The following TTLL9 variants were observed in gnomAD, a reference collection of about 807,000 sequenced individuals.
TTLL9 encodes probable tubulin polyglutamylase TTLL9.
In TTLL9, 47 loss-of-function variants were observed where a neutral mutation model predicts 65.6. The observed-to-expected ratio is 0.72, with a 90% CI of 0.57 to 0.91. TTLL9 has a LOEUF of 0.91. Ranked by LOEUF, TTLL9 falls within the 40% of genes least tolerant of loss-of-function variation. The pLI is 0.00. For synonymous variants in TTLL9, 179 were observed against 204.8 expected, an observed-to-expected ratio of 0.87 and a Z score of 1.07; for missense variants, 537 against 568.8, an observed-to-expected ratio of 0.94 and a Z score of 0.57.
chr20:31,875,710 T>G lies in TTLL9; in HGVS notation c.69+4515T>G, dbSNP rs141354723. 1.6e-4 allele frequency among the ~76,000 whole-genome samples: 24 copies of G among 152,344 alleles called. No individual in the cohort carries two copies. In the East Asian group the frequency reaches 4.6e-3, roughly 29 times the overall value. The stretch of plus-strand genomic sequence containing the variant: ...ATTATTGTTATGGCCTGTGTGTTTT[T>G]CATTGGGGAAAAAAATCTTAAATCC... On this transcript the variant is annotated intron_variant, in intron 2 of 14. Transcript: ENST00000535842.
intron 2 of TTLL9, among the ~76,000 whole-genome samples, chr20:31,875,081 T>C (rs1224978898): frequency 2.0e-5 from 3 of 152,170 alleles, no homozygotes; most frequent in Admixed American, 2.0e-4. Flanking sequence ...CAACAGGAAA[T>C]TCATACACTC....
Position 31,898,563 on chromosome 20 carries a change from G to A in TTLL9, c.204G>A (p.Lys68=), listed in dbSNP as rs754832907. ...LRHRPGWVEV[K]DEGEWDFYWC... ...ACAGGCCAGGATGGGTGGAAGTGAAGGAGTAAGACCCTCCCCCCAGCCTTG... is the reference window on the plus strand; with the variant it reads ...ACAGGCCAGGATGGGTGGAAGTGAAAGAGTAAGACCCTCCCCCCAGCCTTG... Residue 68 remains lysine (K), a splice_region_variant and synonymous_variant, in exon 4 of 15, where the codon AAG becomes AAA. Transcript: ENST00000535842. The A allele has an allele frequency of 3.2e-5, 52 of 1,613,820 alleles. No individual in the cohort carries two copies. The highest frequency in any genetic ancestry group is 4.2e-5 in the Non-Finnish European group (49 of 1,179,854).
intron 2 of TTLL9, chr20:31,884,154 C>G: frequency 2.3e-6 from 1 of 433,288 alleles, no homozygotes; most frequent in Non-Finnish European, 4.2e-6. Context: ...TTTCCAATGT[C>G]TGCTTTAACA....
At chr20:31,933,559 AC>A (rs1348527599) in intron 10 of TTLL9, among the ~76,000 whole-genome samples, 3 of 152,096 alleles carry the variant, frequency 2.0e-5, no homozygotes, top group African/African-American at 4.8e-5. Context: ...ACTGCTATGT[AC>A]CCCCATTAAA....
chr20:31,936,226 C>T (rs975310698), intron 12 of TTLL9, among the ~76,000 whole-genome samples: 5 of 152,238 alleles, frequency 3.3e-5, no homozygotes, highest in Admixed American at 6.5e-5. Flanking sequence ...GCAGATACTT[C>T]GAATTTGGCC....
chr20:31,870,850 C>G lies in TTLL9; in HGVS notation c.-105C>G. 1.8e-6 allele frequency: 1 copy of G among 546,180 alleles called. No homozygotes were observed. Among genetic ancestry groups the G allele is most frequent in the Non-Finnish European group, 3.2e-6 (1 of 311,134 alleles). The allele number at this position is 546,180 out of a possible 1,614,324, so 33.8% of individuals were successfully genotyped here. Reference sequence around the variant, plus strand: ...TCCCTGCGGGCCCCGGGGGAAAGCACCCAACTTCTCCCGCCTCGGCTTCTA... The same window carrying G: ...TCCCTGCGGGCCCCGGGGGAAAGCAGCCAACTTCTCCCGCCTCGGCTTCTA... On this transcript the variant is annotated 5_prime_UTR_variant, in exon 1 of 15. Transcript: ENST00000535842. This position sits in a 1 kb window ranked among gnomAD's most constrained non-coding sequence, Gnocchi z 6.6.
intron 3 of TTLL9, among the ~76,000 whole-genome samples, chr20:31,890,100 C>CCCTTCCTT (rs1286424316): frequency 0.015 from 768 of 49,858 alleles, 31 homozygotes; most frequent in Middle Eastern, 0.049. Flanking sequence ...TTCTTTCCCT[C>CCCTTCCTT]CCTTCCTTCC....
At chr20:31,907,432 C>T (rs2063572934) in intron 4 of TTLL9, among the ~76,000 whole-genome samples, 1 of 152,054 alleles carries the variant, frequency 6.6e-6, no homozygotes, top group African/African-American at 2.4e-5. Flanking sequence ...AACTATAAAG[C>T]CACTGCAGGC....
chr20:31,880,872 T>G (rs1158444940), intron 2 of TTLL9, among the ~76,000 whole-genome samples: 1 of 149,152 alleles, frequency 6.7e-6, no homozygotes, highest in Non-Finnish European at 1.5e-5. Flanking sequence ...TTTTTTTTTT[T>G]GAGACAAGGT....
chr20:31,898,505 C>A lies in TTLL9; in HGVS notation c.146C>A (p.Thr49Asn), dbSNP rs199628776. The A allele has an allele frequency of 3.1e-6, 5 of 1,614,090 alleles. No homozygotes were observed. The Middle Eastern group carries it at 4.9e-4, about 159-fold the overall frequency. ...EQRASIRFKT[T>N]LMNTLMDVLR... Reference sequence around the variant, plus strand: ...AGAGCATCGATCCGGTTCAAGACCACCCTCATGAACACACTCATGGACGTC... The same window carrying A: ...AGAGCATCGATCCGGTTCAAGACCAACCTCATGAACACACTCATGGACGTC... The change falls in exon 4 of 15, where the codon ACC becomes AAC. Residue 49 changes from threonine to asparagine, a missense_variant. Thr to Asn is a moderately conservative substitution (Grantham distance 65). This residue lies in a region of TTLL9 where 320 missense variants were observed against 311.0 expected (regional missense o/e 1.03). Coordinates refer to ENST00000535842, the MANE Select transcript of TTLL9 (RefSeq NM_001008409.5).
Position 31,943,281 on chromosome 20 carries a change from G to A in TTLL9, c.*260G>A, listed in dbSNP as rs1250727418. On this transcript the variant is annotated 3_prime_UTR_variant, in exon 15 of 15. Transcript: ENST00000535842. ...TTAACCTTGACAAACTGACTTGGCA[G>A]TTAGGCCCAAAGAGAACAAATACAG... 1 of 547,332 alleles carries A rather than the reference G, an allele frequency of 1.8e-6. No homozygotes were observed. The highest frequency in any genetic ancestry group is 3.1e-5 in the Admixed American group (1 of 31,990). The allele number at this position is 547,332 out of a possible 1,614,324, so 33.9% of individuals were successfully genotyped here.
chr20:31,871,748 G>T (rs935676395), intron 2 of TTLL9, among the ~76,000 whole-genome samples: 4 of 152,146 alleles, frequency 2.6e-5, no homozygotes, highest in African/African-American at 9.7e-5. Context: ...ATATGATAGA[G>T]ACTAGGGACA....
chr20:31,913,756 C>G lies in TTLL9; in HGVS notation c.504+3834C>G, dbSNP rs538671571. On this transcript the variant is annotated intron_variant, in intron 6 of 14. Coordinates refer to ENST00000535842, the MANE Select transcript of TTLL9 (RefSeq NM_001008409.5). ...TTTTAGGGGAATATAAGAACAGGCT[C>G]TTGGGTCTGGCATTTAAAAGTCCAG... Among the ~76,000 whole-genome samples, 152 of 152,188 alleles carry G rather than the reference C, an allele frequency of 1.0e-3. 1 individual carries two copies. Among genetic ancestry groups the G allele is most frequent in the Non-Finnish European group, 1.8e-3 (120 of 68,032 alleles).
At chr20:31,933,619 C>T (rs1173778959) in intron 10 of TTLL9, among the ~76,000 whole-genome samples, 181 bp from the exon 11 acceptor site, 1 of 152,154 alleles carries the variant, frequency 6.6e-6, no homozygotes, top group Non-Finnish European at 1.5e-5. Context: ...CAGGAGCCCA[C>T]AGCCAGGAAA....
chr20:31,913,914 C>T (rs924606968), intron 6 of TTLL9, among the ~76,000 whole-genome samples: 7 of 152,340 alleles, frequency 4.6e-5, no homozygotes, highest in African/African-American at 1.2e-4. Context: ...GGCTCCAGCC[C>T]GCCTCGTGGT....
chr20:31,872,963 G>C (rs2062959418), intron 2 of TTLL9: 1 of 514,472 alleles, frequency 1.9e-6, no homozygotes, highest in African/African-American at 1.9e-5. Flanking sequence ...TGGGAGGCCA[G>C]GTCATCTGAT....
Position 31,934,845 on chromosome 20 carries a change from G to A in TTLL9, c.961G>A (p.Glu321Lys), listed in dbSNP as rs201317647. 22 of 1,613,908 alleles carry A rather than the reference G, an allele frequency of 1.4e-5. No homozygotes were observed. The highest frequency in any genetic ancestry group is 8.8e-5 in the South Asian group (8 of 91,046). ...GATCATCAGTGACAAGCACTGCTTCGAGCTGTACGGCTATGACATCCTCAT... is the reference window on the plus strand; with the variant it reads ...GATCATCAGTGACAAGCACTGCTTCAAGCTGTACGGCTATGACATCCTCAT... Reference protein sequence around the residue: ...KVIISDKHCFELYGYDILIDQ... With the variant: ...KVIISDKHCFKLYGYDILIDQ... The change falls in exon 12 of 15, where the codon GAG (glutamate) becomes AAG (lysine). Residue 321 changes from glutamate to lysine, a missense_variant. By Grantham distance (56) the Glu-to-Lys change is moderately conservative (BLOSUM62 1). Transcript: ENST00000535842.
intron 2 of TTLL9, among the ~76,000 whole-genome samples, chr20:31,873,643 C>A (rs1373198584): frequency 7.5e-6 from 1 of 133,158 alleles, no homozygotes; most frequent in Admixed American, 8.4e-5. Flanking sequence ...GAGTGAGACC[C>A]TGTCAAAAAA....
At chr20:31,923,301 A>G (rs548260355) in intron 8 of TTLL9, among the ~76,000 whole-genome samples, 43 of 152,314 alleles carry the variant, frequency 2.8e-4, no homozygotes, top group African/African-American at 9.9e-4. Context: ...CAACTTATTC[A>G]TGCGTTTATC....
Sources: gnomAD v4.1 joint callset for allele counts (sites outside exome capture counted in the v4.1 genomes callset) on GRCh38, gnomAD v4.1.1 for gene constraint, gnomAD v4.1.1 regional missense constraint, Gnocchi (gnomAD v3.1) non-coding constraint, MANE v1.5 for transcripts, NCBI Gene and HGNC (gene_info 2026-07-23, HGNC 2026-07-21) for gene names.